The following BDH1 variants were observed in gnomAD, a reference collection of about 807,000 sequenced individuals.
The protein encoded by BDH1 is D-beta-hydroxybutyrate dehydrogenase, mitochondrial.
Under a neutral mutation model 33.1 loss-of-function variants are expected in BDH1, and 30 were observed. That is an observed-to-expected ratio of 0.91 (90% CI 0.68 to 1.23). BDH1 has a LOEUF of 1.23. BDH1 is among the 50% of genes most tolerant of loss of function. BDH1 has a pLI of 0.00. For missense variants in BDH1, 443 were observed against 464.4 expected (o/e 0.95, Z 0.42); for synonymous variants, 190 against 183.6 (o/e 1.03, Z -0.28).
At chr3:197,542,521 C>CTTTTTTTTTTTTTTTTTTTTTTTTTTTTT (rs71164295) in intron 3 of BDH1, among the ~76,000 whole-genome samples, 11 of 106,418 alleles carry the variant, frequency 1.0e-4, no homozygotes, top group East Asian at 2.5e-4. Context: ...TTCTTGCTTG[C>CTTTTTTTTTTTTTTTTTTTTTTTTTTTTT]TTTTTTTTTT....
intron 1 of BDH1, among the ~76,000 whole-genome samples, chr3:197,563,139 C>T (rs952839149): frequency 2.7e-4 from 41 of 152,144 alleles, no homozygotes; most frequent in African/African-American, 9.7e-4. Context: ...TGTGTATGTA[C>T]ATGTACACAT....
At chr3:197,548,027 A>C (rs1369655187) in intron 2 of BDH1, among the ~76,000 whole-genome samples, 1 of 152,140 alleles carries the variant, frequency 6.6e-6, no homozygotes, top group African/African-American at 2.4e-5. Context: ...AATCCTCTCC[A>C]CCTGGTTCAC....
At chr3:197,551,729 A>T (rs193001552) in intron 2 of BDH1, among the ~76,000 whole-genome samples, 1 of 152,176 alleles carries the variant, frequency 6.6e-6, no homozygotes, top group Admixed American at 6.5e-5. Flanking sequence ...TTTGACCCCT[A>T]TTCTGAGAAT....
chr3:197,531,792 C>A (rs982968747), intron 5 of BDH1, among the ~76,000 whole-genome samples: 5 of 152,050 alleles, frequency 3.3e-5, no homozygotes, highest in Non-Finnish European at 7.4e-5. Context: ...GGGGCACTGC[C>A]CACTGTTTGC....
In BDH1 at chr3:197,523,686, C is replaced by T. The variant is rs1313017753; in HGVS notation, c.268-905G>A. ...CAGAGTCGTGTTCTAGGGAAGGAGA[C>T]AGGTGAGCACGTAAGCGACACAGTG... is the stretch of plus-strand genomic sequence containing the variant. On this transcript the variant is annotated intron_variant, in intron 5 of 7. Transcript: ENST00000392379. The surrounding 1 kb of genome is among the most constrained non-coding windows in gnomAD (Gnocchi z 4.5). Among the ~76,000 whole-genome samples the T allele has an allele frequency of 6.6e-6, 1 of 152,118 alleles. No homozygotes were observed. The highest frequency in any genetic ancestry group is 1.5e-5 in the Non-Finnish European group (1 of 68,024).
intron 1 of BDH1, among the ~76,000 whole-genome samples, chr3:197,563,276 TCTGA>T (rs1717325146): frequency 6.6e-6 from 1 of 152,264 alleles, no homozygotes; most frequent in African/African-American, 2.4e-5. Context: ...AATTTTGCTG[TCTGA>T]CTTTTATGTG....
At chr3:197,543,125 C>T in intron 3 of BDH1, 2 of 985,396 alleles carry the variant, frequency 2.0e-6, no homozygotes, top group Non-Finnish European at 2.4e-6. Context: ...TAACCAGTAA[C>T]CCAGCTTTCT....
At chr3:197,548,875 C>CA (rs564233533) in intron 2 of BDH1, among the ~76,000 whole-genome samples, 117 of 133,546 alleles carry the variant, frequency 8.8e-4, no homozygotes, top group Admixed American at 1.8e-3. Context: ...CAAAAAAAAA[C>CA]AAAAAAAACA....
intron 3 of BDH1, among the ~76,000 whole-genome samples, chr3:197,545,207 A>C (rs894868738): frequency 2.0e-5 from 3 of 152,206 alleles, no homozygotes; most frequent in African/African-American, 7.2e-5. Flanking sequence ...ACTGCAAAAG[A>C]GTAAAATGTG....
chr3:197,531,678 A>G (rs1296299882), intron 5 of BDH1, among the ~76,000 whole-genome samples: 9 of 152,274 alleles, frequency 5.9e-5, no homozygotes, highest in Admixed American at 3.9e-4. Context: ...GCTCAGGGCT[A>G]GAGGTATATG....
At position 197,511,675 on chromosome 3, in the gene BDH1, AT is replaced by A. The variant is rs1712033564; in HGVS notation, c.*219del. On this transcript the variant is annotated 3_prime_UTR_variant, in exon 8 of 8. Coordinates refer to ENST00000392379, the MANE Select transcript of BDH1 (RefSeq NM_203314.3). Reference sequence around the variant, plus strand: ...ATAGATTCACCATGTTTGCCCTGAGATTTAGAGGCCTCTGCCTGCCACTCCA... The same window carrying A: ...ATAGATTCACCATGTTTGCCCTGAGATTAGAGGCCTCTGCCTGCCACTCCA... 6.3e-6 allele frequency: 3 copies of A among 472,488 alleles called. No individual in the cohort carries two copies. The highest frequency in any genetic ancestry group is 4.0e-5 in the African/African-American group (2 of 50,600). 29.3% of individuals were successfully genotyped at this position (472,488 alleles called of 1,614,324 possible).
Position 197,521,800 on chromosome 3 carries a change from A to G in BDH1, c.409+840T>C, listed in dbSNP as rs1415502747. Among the ~76,000 whole-genome samples the G allele has an allele frequency of 1.3e-5, 2 of 152,176 alleles. No individual in the cohort carries two copies. The highest frequency in any genetic ancestry group is 2.9e-5 in the Non-Finnish European group (2 of 68,002). On this transcript the variant is annotated intron_variant, in intron 6 of 7. Transcript: ENST00000392379. This position sits in a 1 kb window ranked among gnomAD's most constrained non-coding sequence, Gnocchi z 4.9. ...CCTGTTTCCCAACACCTACCACCCT[A>G]GTTCCGGAGTCCAGAACCCATGTTT...
chr3:197,521,696 G>A lies in BDH1; in HGVS notation c.409+944C>T, dbSNP rs559321963. On this transcript the variant is annotated intron_variant, in intron 6 of 7. Transcript: ENST00000392379. This position sits in a 1 kb window ranked among gnomAD's most constrained non-coding sequence, Gnocchi z 4.9. Reference sequence around the variant, plus strand: ...ACCAGGTGTCCAGGACAGAGACTTCGCGCCTCACCTCATCCCCACATCCAA... The same window carrying A: ...ACCAGGTGTCCAGGACAGAGACTTCACGCCTCACCTCATCCCCACATCCAA... Among the ~76,000 whole-genome samples the A allele has an allele frequency of 5.3e-5, 8 of 152,202 alleles. No individual in the cohort carries two copies. Among genetic ancestry groups the A allele is most frequent in the East Asian group, 3.9e-4 (2 of 5,186 alleles).
intron 6 of BDH1, among the ~76,000 whole-genome samples, chr3:197,519,244 G>C (rs539736015): frequency 1.3e-3 from 197 of 152,188 alleles, no homozygotes; most frequent in African/African-American, 4.6e-3. Flanking sequence ...TTCTTCCCAT[G>C]CTCTTGTAGT....
At chr3:197,558,071 A>G (rs936419411), upstream of BDH1, among the ~76,000 whole-genome samples, 5 of 152,222 alleles carry the variant, frequency 3.3e-5, no homozygotes, top group African/African-American at 1.2e-4. Flanking sequence ...TGAGAATTAA[A>G]CTGAATTGTA....
At chr3:197,550,566 T>G (rs965741663) in intron 2 of BDH1, among the ~76,000 whole-genome samples, 1 of 152,212 alleles carries the variant, frequency 6.6e-6, no homozygotes, top group Non-Finnish European at 1.5e-5. Context: ...GAGCCCATTG[T>G]TCTGTCCCCT....
In BDH1 at chr3:197,514,195, T is replaced by G. The variant is rs1712423190; in HGVS notation, c.562+69A>C. The G allele has an allele frequency of 1.3e-6, 2 of 1,540,588 alleles. No individual in the cohort carries two copies. Among genetic ancestry groups the G allele is most frequent in the Non-Finnish European group, 1.8e-6 (2 of 1,138,106 alleles). ...CATTGGAGCTGCTGGGACAGGTATT[T>G]CCATTCTGAGCAAAGATGAACACGT... On this transcript the variant is annotated intron_variant, in intron 7 of 7. Coordinates refer to ENST00000392379, the MANE Select transcript of BDH1 (RefSeq NM_203314.3). This position sits in a 1 kb window ranked among gnomAD's most constrained non-coding sequence, Gnocchi z 4.2.
At chr3:197,541,279 A>G (rs1446733212) in intron 3 of BDH1, among the ~76,000 whole-genome samples, 1 of 152,190 alleles carries the variant, frequency 6.6e-6, no homozygotes, top group Non-Finnish European at 1.5e-5. Flanking sequence ...TGCCTGTGTC[A>G]TTCACCTCAG....
In BDH1 at chr3:197,511,707, T is replaced by C. The variant is rs1025076013; in HGVS notation, c.*188A>G. The C allele has an allele frequency of 3.6e-5, 20 of 562,610 alleles. No homozygotes were observed. The Admixed American group carries it at 6.1e-4, about 17-fold the overall frequency. The allele number at this position is 562,610 out of a possible 1,614,324, so 34.9% of individuals were successfully genotyped here. On this transcript the variant is annotated 3_prime_UTR_variant, in exon 8 of 8. Transcript: ENST00000392379. ...GGCCTCTGCCTGCCACTCCACACCC[T>C]GTTTGTGAAGGCCCAAGTCACTCAC...
Sources: allele counts gnomAD v4.1 joint callset (sites outside exome capture counted in the v4.1 genomes callset), GRCh38; gene constraint gnomAD v4.1.1; non-coding constraint Gnocchi (gnomAD v3.1); transcripts MANE v1.5; gene names NCBI Gene and HGNC (gene_info 2026-07-23, HGNC 2026-07-21).